BST1: variants seen among roughly 807,000 people sequenced by gnomAD.
The protein encoded by BST1 is bone marrow stromal cell antigen 1.
Under a neutral mutation model 40.6 loss-of-function variants are expected in BST1, and 49 were observed. The ratio of observed to expected loss-of-function variants is 1.21; its 90% CI spans 0.96 to 1.53. The LOEUF (loss-of-function observed/expected upper bound fraction) is 1.53, where lower values mean the gene tolerates loss of function less well. BST1 is among the 40% of genes most tolerant of loss of function. The probability of loss-of-function intolerance (pLI) is 0.00; values close to 1 mark genes in which losing one functional copy is unlikely to be tolerated. For synonymous variants in BST1, 157 were observed against 159.3 expected (o/e 0.99, Z 0.11); for missense variants, 423 against 395.9 (o/e 1.07, Z -0.58).
intron 8 of BST1, among the ~76,000 whole-genome samples, chr4:15,729,393 G>A (rs1181001373): frequency 6.6e-6 from 1 of 152,134 alleles, no homozygotes; most frequent in East Asian, 1.9e-4. Context: ...GAAGGTCAAT[G>A]CTTCAACGAG....
chr4:15,731,375 G>A, intron 8 of BST1: 2 of 526,778 alleles, frequency 3.8e-6, no homozygotes, highest in South Asian at 3.9e-5. Flanking sequence ...CGTTTTCCAT[G>A]TGGTGGAAAT....
intron 4 of BST1, among the ~76,000 whole-genome samples, chr4:15,712,447 C>T (rs925584752): frequency 6.6e-6 from 1 of 152,186 alleles, no homozygotes; most frequent in Non-Finnish European, 1.5e-5. Flanking sequence ...CTGACACTCT[C>T]TGTCATGAGA....
At chr4:15,745,309 A>G in the BST1 span, among the ~76,000 whole-genome samples, 1 of 152,234 alleles carries the variant, frequency 6.6e-6, no homozygotes, top group Non-Finnish European at 1.5e-5. Context: ...TGCAATTTGT[A>G]GGTTTATGTT....
chr4:15,717,642 C>A (rs912155543), intron 6 of BST1, among the ~76,000 whole-genome samples: 3 of 152,104 alleles, frequency 2.0e-5, no homozygotes, highest in African/African-American at 7.2e-5. Context: ...GCCAAGGGAA[C>A]AAATAATTAA....
intron 8 of BST1, chr4:15,731,055 C>A: frequency 1.9e-6 from 1 of 529,214 alleles, no homozygotes; most frequent in South Asian, 1.7e-5. Flanking sequence ...TGAGCAATGT[C>A]ACCAAGAAGT....
intron 8 of BST1, among the ~76,000 whole-genome samples, chr4:15,725,957 T>TC (rs1356267024): frequency 8.6e-6 from 1 of 116,236 alleles, no homozygotes; most frequent in Non-Finnish European, 1.7e-5. Context: ...CTTTTTTTTT[T>TC]TTTTTTTTTT....
chr4:15,713,451 T>TAGGATTA (rs1720332545), intron 4 of BST1, among the ~76,000 whole-genome samples: 1 of 152,172 alleles, frequency 6.6e-6, no homozygotes, highest in Non-Finnish European at 1.5e-5. Context: ...CCCAAAGTGC[T>TAGGATTA]AGGATTACAG....
At chr4:15,761,766 A>G in the BST1 span, among the ~76,000 whole-genome samples, 1 of 151,966 alleles carries the variant, frequency 6.6e-6, no homozygotes, top group East Asian at 1.9e-4. Flanking sequence ...AGGTCTTTAT[A>G]TTCCTGGAAC....
At chr4:15,770,751 CT>C in the BST1 span, among the ~76,000 whole-genome samples, 1 of 96,626 alleles carries the variant, frequency 1.0e-5, no homozygotes, top group Non-Finnish European at 2.4e-5. Flanking sequence ...CTGATTCCCC[CT>C]GTTTGCTACA....
rs1419836420 is a variant in BST1, at chr4:15,731,761, A to G, written c.873A>G (p.Arg291=). 3 of 1,613,464 alleles carry G rather than the reference A, an allele frequency of 1.9e-6. No homozygotes were observed. Among genetic ancestry groups the G allele is most frequent in the South Asian group, 2.2e-5 (2 of 90,816 alleles). The change falls in exon 9 of 9, where the codon AGA becomes AGG. Residue 291 remains arginine (R), a synonymous_variant. Coordinates refer to ENST00000265016, the MANE Select transcript of BST1 (RefSeq NM_004334.3). ...ALKSAAAATQ[R]KAPSLYTEQR... is the part of the protein sequence containing the mutation. ...GCAGGGCAGCAGCCGCTACTCAAAG[A>G]AAAGCCCCAAGTCTTTATACAGAAC...
At chr4:15,768,466 T>C in the BST1 span, among the ~76,000 whole-genome samples, 8 of 151,764 alleles carry the variant, frequency 5.3e-5, no homozygotes, top group African/African-American at 1.7e-4. Flanking sequence ...ACCATGAGTG[T>C]TGATGGACAG....
chr4:15,723,997 T>C (rs1720965771), intron 8 of BST1, among the ~76,000 whole-genome samples: 1 of 152,192 alleles, frequency 6.6e-6, no homozygotes, highest in Admixed American at 6.5e-5. Context: ...TGAATTCTTT[T>C]CCGAAATCTA....
chr4:15,705,384 C>CT (rs1719822591), intron 1 of BST1, 131 bp from the exon 2 acceptor site: 2 of 1,110,076 alleles, frequency 1.8e-6, no homozygotes. Flanking sequence ...AATTCGTTGT[C>CT]TTTTTTGTAA....
At chr4:15,751,279 T>A in the BST1 span, among the ~76,000 whole-genome samples, 3 of 152,036 alleles carry the variant, frequency 2.0e-5, no homozygotes, top group East Asian at 5.8e-4. Flanking sequence ...GTGAGTGAAA[T>A]AACTTCCCCT....
chr4:15,713,119 G>A (rs1190627907), intron 4 of BST1, among the ~76,000 whole-genome samples: 1 of 151,746 alleles, frequency 6.6e-6, no homozygotes, highest in Non-Finnish European at 1.5e-5. Flanking sequence ...AGGAGAGGTA[G>A]TGTGGTATAG....
chr4:15,737,697 T>C (rs1721619785), downstream of BST1: 2 of 919,624 alleles, frequency 2.2e-6, no homozygotes, highest in South Asian at 1.4e-5. Context: ...CTCTTTCCTC[T>C]CCTGTCGTAG....
At chr4:15,728,452 T>TC (rs1472104990) in intron 8 of BST1, among the ~76,000 whole-genome samples, 2 of 137,792 alleles carry the variant, frequency 1.5e-5, no homozygotes, top group African/African-American at 2.7e-5. Flanking sequence ...TCTTTTTCTT[T>TC]TTTTTTTTTT....
chr4:15,743,450 C>G, the BST1 span: 1 of 253,778 alleles, frequency 3.9e-6, no homozygotes, highest in Non-Finnish European at 7.9e-6. Context: ...TCACAATAAA[C>G]TGTTAGAAAG....
At chr4:15,769,903 G>A in the BST1 span, among the ~76,000 whole-genome samples, 1,338 of 152,026 alleles carry the variant, frequency 8.8e-3, 15 homozygotes, top group African/African-American at 0.03. Context: ...GCAGTGGCAC[G>A]ATTTCAGTTC....
Sources: gnomAD v4.1 joint callset for allele counts (sites outside exome capture counted in the v4.1 genomes callset) on GRCh38, gnomAD v4.1.1 for gene constraint, MANE v1.5 for transcripts, NCBI Gene and HGNC (gene_info 2026-07-23, HGNC 2026-07-21) for gene names.